CDKAL1: variants seen among roughly 807,000 people sequenced by gnomAD.
CDKAL1 encodes the protein CDKAL1 threonylcarbamoyladenosine tRNA methylthiotransferase.
CDKAL1 carries 32 observed loss-of-function variants against 68.2 expected under a neutral mutation model. That is an observed-to-expected ratio of 0.47 (90% CI 0.35 to 0.63). The LOEUF is 0.63. CDKAL1 is among the 30% of genes least tolerant of loss of function. The pLI, the probability that CDKAL1 is intolerant of heterozygous loss-of-function variation, is 0.00. For missense variants in CDKAL1, 606 were observed against 696.7 expected (o/e 0.87, Z 1.47); for synonymous variants, 234 against 244.3 (o/e 0.96, Z 0.39).
intron 9 of CDKAL1, among the ~76,000 whole-genome samples, chr6:20,905,000 G>A (rs12214079): frequency 0.11 from 16,097 of 152,024 alleles, 947 homozygotes; most frequent in African/African-American, 0.14. Flanking sequence ...CAGAATCACC[G>A]CATTATTAGA....
At chr6:20,880,044 T>C (rs1202772444) in intron 9 of CDKAL1, among the ~76,000 whole-genome samples, 8 of 152,306 alleles carry the variant, frequency 5.3e-5, no homozygotes, top group African/African-American at 1.9e-4. Flanking sequence ...TTAAAAACTT[T>C]TTATGAACAA....
In CDKAL1 at chr6:21,201,372, C is replaced by T. The variant is rs1778686658; in HGVS notation, c.1548+98C>T. 2.8e-6 allele frequency: 3 copies of T among 1,061,472 alleles called. No individual in the cohort carries two copies. In the East Asian group the frequency reaches 7.4e-5, roughly 26 times the overall value. 65.8% of individuals were successfully genotyped at this position (1,061,472 alleles called of 1,614,324 possible). A position where few individuals can be genotyped will look rare whatever the true frequency, so the allele number is the denominator to read the frequency against. ...ATGTTTCTGTTATCATTTATAGTTC[C>T]CTTTTTATGTATGCATGAGGCTTTA... On this transcript the variant is annotated intron_variant, in intron 15 of 15. Transcript: ENST00000274695.
intron 8 of CDKAL1, among the ~76,000 whole-genome samples, chr6:20,829,582 G>A (rs1342876242): frequency 2.0e-5 from 3 of 152,118 alleles, no homozygotes; most frequent in African/African-American, 4.8e-5. Context: ...AGGTAACTCC[G>A]GAATTAGGCA....
intron 6 of CDKAL1, among the ~76,000 whole-genome samples, chr6:20,753,298 C>T (rs1026164514): frequency 1.3e-5 from 2 of 151,856 alleles, no homozygotes; most frequent in Admixed American, 1.3e-4. Flanking sequence ...TAGCATGTAA[C>T]CATACTTCAT....
chr6:21,177,543 C>G (rs1021442315), intron 13 of CDKAL1, among the ~76,000 whole-genome samples: 8 of 151,984 alleles, frequency 5.3e-5, no homozygotes, highest in African/African-American at 1.9e-4. Context: ...AAAATGAATA[C>G]ATTAAGAAAG....
At chr6:21,192,354 C>T (rs949435678) in intron 13 of CDKAL1, among the ~76,000 whole-genome samples, 6 of 152,066 alleles carry the variant, frequency 3.9e-5, no homozygotes, top group South Asian at 2.1e-4. Flanking sequence ...CTTTAAATAA[C>T]GTTAAAATGA....
chr6:20,626,132 C>G (rs1208778652), intron 4 of CDKAL1, among the ~76,000 whole-genome samples: 2 of 152,154 alleles, frequency 1.3e-5, no homozygotes, highest in East Asian at 3.8e-4. Context: ...CCTTGACTCA[C>G]TGAGTTAGAG....
intron 11 of CDKAL1, among the ~76,000 whole-genome samples, chr6:21,003,371 T>TATATACACACACACACACACACACACAC: frequency 2.8e-4 from 14 of 49,280 alleles, no homozygotes; most frequent in African/African-American, 9.8e-4. Flanking sequence ...TATATATATA[T>TATATACACACACACACACACACACACAC]ACACACACAC....
chr6:21,214,488 C>T (rs906665581), intron 15 of CDKAL1, among the ~76,000 whole-genome samples: 2 of 151,946 alleles, frequency 1.3e-5, no homozygotes, highest in African/African-American at 4.8e-5. Flanking sequence ...TGAACATGAA[C>T]ACACGAGGTC....
chr6:20,780,523 C>A (rs1246315968), intron 7 of CDKAL1, among the ~76,000 whole-genome samples: 2 of 152,048 alleles, frequency 1.3e-5, no homozygotes, highest in African/African-American at 4.8e-5. Context: ...CTTCCTGCTG[C>A]ACATGCATAT....
At chr6:20,624,364 G>A (rs1767331976) in intron 4 of CDKAL1, among the ~76,000 whole-genome samples, 1 of 121,660 alleles carries the variant, frequency 8.2e-6, no homozygotes, top group South Asian at 2.7e-4. Flanking sequence ...AAATGCATTC[G>A]ATTTTTAAGT....
At chr6:20,753,701 G>A (rs9465879) in intron 6 of CDKAL1, among the ~76,000 whole-genome samples, 59,103 of 152,026 alleles carry the variant, frequency 0.39, 11,762 homozygotes, top group Non-Finnish European at 0.43. Context: ...GGATACTTCC[G>A]TTCCCAGTTT....
chr6:21,209,085 C>T (rs1252730317), intron 15 of CDKAL1, among the ~76,000 whole-genome samples: 4 of 152,136 alleles, frequency 2.6e-5, no homozygotes, highest in Non-Finnish European at 5.9e-5. Context: ...ATAATAATAG[C>T]TACCATTTAG....
chr6:21,044,093 C>T (rs1770086500), intron 11 of CDKAL1, among the ~76,000 whole-genome samples: 1 of 152,164 alleles, frequency 6.6e-6, no homozygotes, highest in South Asian at 2.1e-4. Context: ...CCTGTTATAC[C>T]ATGTTGTACC....
At chr6:20,891,974 G>C (rs1761429685) in intron 9 of CDKAL1, among the ~76,000 whole-genome samples, 1 of 151,880 alleles carries the variant, frequency 6.6e-6, no homozygotes, top group Non-Finnish European at 1.5e-5. Context: ...CCTTAGAGTT[G>C]CTGTTTTTTC....
At chr6:21,063,500 A>G (rs987548929) in intron 11 of CDKAL1, among the ~76,000 whole-genome samples, 4 of 152,214 alleles carry the variant, frequency 2.6e-5, no homozygotes, top group Non-Finnish European at 5.9e-5. Context: ...TTTGCTCTTA[A>G]ATGTAAAAGA....
chr6:21,036,199 A>G (rs1018087379), intron 11 of CDKAL1, among the ~76,000 whole-genome samples: 1 of 152,164 alleles, frequency 6.6e-6, no homozygotes, highest in African/African-American at 2.4e-5. Context: ...ATTTTATTGC[A>G]GTATTCATTT....
intron 12 of CDKAL1, among the ~76,000 whole-genome samples, chr6:21,079,202 G>A (rs1432381510): frequency 6.6e-6 from 1 of 152,160 alleles, no homozygotes; most frequent in Admixed American, 6.6e-5. Flanking sequence ...CAATATGCAG[G>A]AATAGGTTAG....
At chr6:21,004,650 G>A (rs1316349878) in intron 11 of CDKAL1, among the ~76,000 whole-genome samples, 1 of 152,128 alleles carries the variant, frequency 6.6e-6, no homozygotes, top group Non-Finnish European at 1.5e-5. Flanking sequence ...AAAGCAAGCG[G>A]TGCAATTCTG....
Sources: gnomAD v4.1 joint callset for allele counts (sites outside exome capture counted in the v4.1 genomes callset) on GRCh38, gnomAD v4.1.1 for gene constraint, MANE v1.5 for transcripts, NCBI Gene and HGNC (gene_info 2026-07-23, HGNC 2026-07-21) for gene names.